The following TMC2 variants were observed in gnomAD, a reference collection of about 807,000 sequenced individuals.
TMC2 encodes transmembrane channel-like protein 2.
A neutral mutation model predicts 105.9 loss-of-function variants in TMC2; 102 were observed. The observed-to-expected ratio is 0.96, with a 90% confidence interval of 0.82 to 1.14. The LOEUF is 1.14. Among genes scored for constraint, TMC2 ranks in the 50% most tolerant of loss-of-function variants. The pLI, the probability that TMC2 is intolerant of heterozygous loss-of-function variation, is 0.00. For missense variants in TMC2, 1,093 were observed against 1,134.3 expected (o/e 0.96, Z 0.52); for synonymous variants, 402 against 422.8 (o/e 0.95, Z 0.60).
intron 19 of TMC2, among the ~76,000 whole-genome samples, chr20:2,638,360 AAAAAAAAATCT>A (rs2086664535): frequency 6.6e-6 from 1 of 151,856 alleles, no homozygotes; most frequent in South Asian, 2.1e-4. Context: ...CCATCTCAAA[AAAAAAAAATCT>A]CTAGCACATA....
At chr20:2,564,544 T>C (rs1022211705) in intron 4 of TMC2, among the ~76,000 whole-genome samples, 1 of 152,172 alleles carries the variant, frequency 6.6e-6, no homozygotes, top group Non-Finnish European at 1.5e-5. Flanking sequence ...GTCACTCTAA[T>C]AGAACCTCAC....
At chr20:2,611,332 A>G (rs1407963211) in intron 12 of TMC2, among the ~76,000 whole-genome samples, 2 of 152,128 alleles carry the variant, frequency 1.3e-5, no homozygotes, top group Non-Finnish European at 2.9e-5. Context: ...TCCTGATGCT[A>G]ACAGAAAACT....
chr20:2,600,398 C>T (rs181889895), intron 10 of TMC2, among the ~76,000 whole-genome samples: 254 of 152,262 alleles, frequency 1.7e-3, no homozygotes, highest in Admixed American at 3.5e-3. Flanking sequence ...AAGTTTAAGG[C>T]CAGGCACAGT....
chr20:2,582,600 C>G lies in TMC2; in HGVS notation c.834+2544C>G, dbSNP rs554738909. 3.0e-4 allele frequency among the ~76,000 whole-genome samples: 46 copies of G among 152,204 alleles called. No individual in the cohort carries two copies. The South Asian group carries it at 9.3e-3, about 31-fold the overall frequency. ...CAGCAATTCTCGTGCCTCAGCCTCC[C>G]AAGTAGCTGGGATTACAGGCACGCA... On this transcript the variant is annotated intron_variant, in intron 7 of 19. Transcript: ENST00000358864.
At chr20:2,597,908 G>T (rs1021571515) in intron 10 of TMC2, among the ~76,000 whole-genome samples, 1 of 152,136 alleles carries the variant, frequency 6.6e-6, no homozygotes, top group Non-Finnish European at 1.5e-5. Context: ...TTTGGGGAAA[G>T]CATTTCTCAA....
intron 14 of TMC2, chr20:2,613,541 C>T (rs2086459175): frequency 3.5e-6 from 2 of 575,538 alleles, no homozygotes; most frequent in Non-Finnish European, 6.0e-6. Context: ...ACAATGTGAC[C>T]TTCTATTCTA....
At chr20:2,605,411 G>A (rs1305626013) in intron 11 of TMC2, among the ~76,000 whole-genome samples, 1 of 152,186 alleles carries the variant, frequency 6.6e-6, no homozygotes, top group African/African-American at 2.4e-5. Flanking sequence ...TTTCCCCTGA[G>A]GCTTGCAGGT....
Position 2,558,782 on chromosome 20 carries a change from G to A in TMC2, c.401+8G>A, listed in dbSNP as rs6050065. The A allele has an allele frequency of 7.4e-3, 11,279 of 1,528,976 alleles. 686 individuals are homozygous for A. In the African/African-American group the frequency reaches 0.13, roughly 18 times the overall value. 94.7% of individuals were successfully genotyped at this position (1,528,976 alleles called of 1,614,324 possible). On this transcript the variant is annotated splice_region_variant and intron_variant, in intron 3 of 19. Coordinates refer to ENST00000358864, the MANE Select transcript of TMC2 (RefSeq NM_080751.3). The surrounding 1 kb of genome is among the most constrained non-coding windows in gnomAD (Gnocchi z 4.6). ...GCGGCAGAAGAAACCCAGGTGTGTTGTGGCTCCGATTCTGGGCATTCGCTC... is the reference window on the plus strand; with the variant it reads ...GCGGCAGAAGAAACCCAGGTGTGTTATGGCTCCGATTCTGGGCATTCGCTC...
chr20:2,562,985 G>A (rs2086038032), intron 4 of TMC2, among the ~76,000 whole-genome samples: 1 of 151,964 alleles, frequency 6.6e-6, no homozygotes. Flanking sequence ...AACAGCAGTA[G>A]TCATATTACA....
At chr20:2,622,020 G>A (rs1183176289) in intron 16 of TMC2, among the ~76,000 whole-genome samples, 2 of 152,140 alleles carry the variant, frequency 1.3e-5, no homozygotes, top group Non-Finnish European at 2.9e-5. Flanking sequence ...TGGCGGGTAT[G>A]CACTGGAAAT....
At chr20:2,537,405 C>G (rs1309187095) in intron 2 of TMC2, 89 bp downstream of exon 2, 1 of 1,027,416 alleles carries the variant, frequency 9.7e-7, no homozygotes. Flanking sequence ...ATCCAACATT[C>G]TCCTTCATCT....
intron 11 of TMC2, among the ~76,000 whole-genome samples, chr20:2,604,295 A>T (rs539143168): frequency 6.6e-6 from 1 of 152,266 alleles, no homozygotes; most frequent in East Asian, 1.9e-4. Context: ...TTCATTCTCT[A>T]CCAGTTAATT....
At chr20:2,632,101 A>C (rs988903481) in intron 17 of TMC2, among the ~76,000 whole-genome samples, 2 of 150,594 alleles carry the variant, frequency 1.3e-5, no homozygotes, top group African/African-American at 2.5e-5. Context: ...AGCTCACTGC[A>C]GCCTCCACCT....
At chr20:2,569,694 T>G (rs1005585818) in intron 4 of TMC2, among the ~76,000 whole-genome samples, 3 of 152,178 alleles carry the variant, frequency 2.0e-5, no homozygotes, top group Non-Finnish European at 4.4e-5. Flanking sequence ...TAGTGCACAG[T>G]TCTGTAGGTC....
intron 2 of TMC2, among the ~76,000 whole-genome samples, chr20:2,553,291 T>A (rs535822321): frequency 9.2e-5 from 14 of 152,278 alleles, no homozygotes; most frequent in South Asian, 4.1e-4. Flanking sequence ...AGAACTTTTT[T>A]AATCATGAAT....
chr20:2,577,101 T>G (rs2122868488), intron 5 of TMC2, among the ~76,000 whole-genome samples: 1 of 151,080 alleles, frequency 6.6e-6, no homozygotes, highest in Middle Eastern at 3.5e-3. Context: ...AGAGACAGGG[T>G]TTGACCATGT....
At chr20:2,609,007 A>G (rs6115161) in intron 11 of TMC2, among the ~76,000 whole-genome samples, 12,663 of 152,254 alleles carry the variant, frequency 0.083, 1,455 homozygotes, top group African/African-American at 0.26. Context: ...AATACCTACA[A>G]TAGACCTCTA....
intron 10 of TMC2, among the ~76,000 whole-genome samples, chr20:2,601,859 C>T (rs1422663425): frequency 1.3e-5 from 2 of 152,044 alleles, no homozygotes; most frequent in African/African-American, 2.4e-5. Flanking sequence ...GGACAATGCA[C>T]GGAAAGTACC....
chr20:2,568,541 G>T (rs947402458), intron 4 of TMC2, among the ~76,000 whole-genome samples: 1 of 152,162 alleles, frequency 6.6e-6, no homozygotes, highest in African/African-American at 2.4e-5. Flanking sequence ...TGACTCAGGC[G>T]CAAGAGCTGC....
Sources: gnomAD v4.1 joint callset for allele counts (sites outside exome capture counted in the v4.1 genomes callset) on GRCh38, gnomAD v4.1.1 for gene constraint, Gnocchi (gnomAD v3.1) non-coding constraint, MANE v1.5 for transcripts, NCBI Gene and HGNC (gene_info 2026-07-23, HGNC 2026-07-21) for gene names.